Variants in SAFB2 observed in about 807,000 individuals in gnomAD.
SAFB2 encodes scaffold attachment factor B2.
Under a neutral mutation model 100.6 loss-of-function variants are expected in SAFB2, and 32 were observed. The observed-to-expected ratio is 0.32, with a 90% CI of 0.24 to 0.43. The LOEUF (loss-of-function observed/expected upper bound fraction) is 0.43. SAFB2 is among the 20% of genes least tolerant of loss of function. The pLI, the probability that SAFB2 is intolerant of heterozygous loss-of-function variation, is 1.00. For synonymous variants in SAFB2, 500 were observed against 439.4 expected, an observed-to-expected ratio of 1.14 and a Z score of -1.72; for missense variants, 1,185 against 1,163.4, an observed-to-expected ratio of 1.02 and a Z score of -0.27.
intron 12 of SAFB2, among the ~76,000 whole-genome samples, chr19:5,599,225 C>A (rs1174912120): frequency 6.6e-6 from 1 of 152,166 alleles, no homozygotes; most frequent in Non-Finnish European, 1.5e-5. Context: ...TATGCTGTCA[C>A]TCCTCCCTGA....
intron 11 of SAFB2, among the ~76,000 whole-genome samples, chr19:5,603,471 C>G (rs369933269): frequency 6.6e-6 from 1 of 152,182 alleles, no homozygotes; most frequent in South Asian, 2.1e-4. Flanking sequence ...GGAAATCTAC[C>G]TTCTCAAAAG....
chr19:5,592,987 C>T (rs2052446931), intron 15 of SAFB2, 100 bp from the exon 16 acceptor site: 1 of 1,084,064 alleles, frequency 9.2e-7, no homozygotes, highest in African/African-American at 1.6e-5. Flanking sequence ...TCTCCCCAGA[C>T]CCAGTATCGT....
In SAFB2 at chr19:5,622,613, C is replaced by T; in HGVS notation, c.103G>A (p.Val35Met). ...TGTRRLSELR[V>M]IDLRAELKKR... ...TTCAGCTCCGCCCGCAGATCGATCACCCGCAGCTCGCTGAGCCGCCTCGTC... is the reference window on the plus strand; with the variant it reads ...TTCAGCTCCGCCCGCAGATCGATCATCCGCAGCTCGCTGAGCCGCCTCGTC... Residue 35 changes from valine to methionine, a missense_variant, in exon 1 of 21, where the codon GTG (valine) becomes ATG (methionine). This residue lies in a region of SAFB2 where 351 missense variants were observed against 341.2 expected (regional missense o/e 1.03). Coordinates refer to ENST00000252542, the MANE Select transcript of SAFB2 (RefSeq NM_014649.3). 1 of 1,613,024 alleles carries T rather than the reference C, an allele frequency of 6.2e-7. No individual in the cohort carries two copies. Among genetic ancestry groups the T allele is most frequent in the Non-Finnish European group, 8.5e-7 (1 of 1,179,732 alleles).
At position 5,593,875 on chromosome 19, in the gene SAFB2, T is replaced by C; in HGVS notation, c.2207+16A>G. On this transcript the variant is annotated intron_variant, in intron 15 of 20. Transcript: ENST00000252542. The stretch of plus-strand genomic sequence containing the variant: ...ACGCTGGTCTCCGTCCTGCCCACGC[T>C]CTGGGCGGGACTCACCGGTCCAGGT... The C allele has an allele frequency of 6.9e-7, 1 of 1,452,938 alleles. No homozygotes were observed. The highest frequency in any genetic ancestry group is 2.6e-5 in the East Asian group (1 of 38,426). The allele number at this position is 1,452,938 out of a possible 1,614,324, so 90.0% of individuals were successfully genotyped here.
chr19:5,622,681 C>A lies in SAFB2; in HGVS notation c.35G>T (p.Gly12Val). 1 of 1,606,258 alleles carries A rather than the reference C, an allele frequency of 6.2e-7. No homozygotes were observed. The highest frequency in any genetic ancestry group is 1.1e-5 in the South Asian group (1 of 90,706). ...AETLPGSGDS[G>V]PGTASLGPGV... ...CGGGCCGAGAGAAGCCGTGCCAGGG[C>A]CCGAGTCGCCCGACCCGGGCAGAGT... Residue 12 changes from glycine (G) to valine (V), a missense_variant, in exon 1 of 21, where the codon GGC (glycine) becomes GTC (valine). Coordinates refer to ENST00000252542, the MANE Select transcript of SAFB2 (RefSeq NM_014649.3).
chr19:5,616,764 G>A lies in SAFB2; in HGVS notation c.275-278C>T, dbSNP rs530192253. On this transcript the variant is annotated intron_variant, in intron 2 of 20. Coordinates refer to ENST00000252542, the MANE Select transcript of SAFB2 (RefSeq NM_014649.3). ...CCTCCTGGGTTCAAGCGATTCTCCT[G>A]CCTCAGCCTCCTCAGCAGCTGGGAC... Among the ~76,000 whole-genome samples, 59 of 143,204 alleles carry A rather than the reference G, an allele frequency of 4.1e-4. 1 individual carries two copies. Among genetic ancestry groups the A allele is most frequent in the African/African-American group, 1.5e-3 (59 of 38,402 alleles). The allele number at this position is 143,204 out of a possible 152,430, so 93.9% of individuals were successfully genotyped here. A position where few individuals can be genotyped will look rare whatever the true frequency, so the allele number is the denominator to read the frequency against.
chr19:5,616,717 T>C (rs544784799), intron 2 of SAFB2, among the ~76,000 whole-genome samples: 1 of 138,116 alleles, frequency 7.2e-6, no homozygotes, highest in African/African-American at 2.7e-5. Context: ...AGCGGCACAA[T>C]CTCGGCTCAC....
At chr19:5,607,027 C>T (rs186334169) in intron 9 of SAFB2, among the ~76,000 whole-genome samples, 12 of 152,220 alleles carry the variant, frequency 7.9e-5, no homozygotes, top group Admixed American at 4.6e-4. Context: ...TTTGGGAGGC[C>T]GAGGTGGGAG....
intron 2 of SAFB2, 146 bp downstream of exon 2, chr19:5,621,163 G>C (rs2053132677): frequency 1.5e-6 from 1 of 664,948 alleles, no homozygotes. Context: ...CTACCTGTTA[G>C]GTGGTGACGA....
At chr19:5,604,749 C>G in intron 10 of SAFB2, 38 bp downstream of exon 10, 6 of 1,613,826 alleles carry the variant, frequency 3.7e-6, no homozygotes, top group Non-Finnish European at 5.1e-6. Flanking sequence ...CACTTGCAAA[C>G]TCCATTTGCG....
chr19:5,595,049 A>G (rs2052506916), intron 14 of SAFB2, among the ~76,000 whole-genome samples: 1 of 152,270 alleles, frequency 6.6e-6, no homozygotes, highest in African/African-American at 2.4e-5. Context: ...GGGTCTCGCT[A>G]CATTGCCTAG....
chr19:5,595,577 A>C, intron 13 of SAFB2, 80 bp from the exon 14 acceptor site: 1 of 1,530,606 alleles, frequency 6.5e-7, no homozygotes, highest in Non-Finnish European at 8.8e-7. Flanking sequence ...CGTGTGCATG[A>C]GACTAAGATT....
chr19:5,612,655 G>A (rs2052933427), intron 5 of SAFB2, 88 bp from the exon 6 acceptor site: 1 of 985,126 alleles, frequency 1.0e-6, no homozygotes. Context: ...TCAATCATCT[G>A]TGAATAAATG....
At chr19:5,595,270 A>G in intron 14 of SAFB2, 91 bp downstream of exon 14, 1 of 1,506,778 alleles carries the variant, frequency 6.6e-7, no homozygotes, top group African/African-American at 1.4e-5. Context: ...GCTCTCGGGC[A>G]CACAGACTGC....
chr19:5,605,084 T>A, intron 9 of SAFB2, 148 bp from the exon 10 acceptor site: 1 of 921,516 alleles, frequency 1.1e-6, no homozygotes, highest in Non-Finnish European at 1.6e-6. Context: ...TGGTTCTAAT[T>A]AATCCTGACC....
chr19:5,604,966 C>A, intron 9 of SAFB2, 30 bp from the exon 10 acceptor site: 1 of 1,604,012 alleles, frequency 6.2e-7, no homozygotes, highest in South Asian at 1.1e-5. Flanking sequence ...CTTACTCTCT[C>A]ATACAAATGA....
At chr19:5,602,916 C>A (rs942229874) in intron 11 of SAFB2, among the ~76,000 whole-genome samples, 5 of 146,364 alleles carry the variant, frequency 3.4e-5, no homozygotes, top group South Asian at 2.4e-4. Context: ...CCGCCCCCCC[C>A]ACCCCCCTCC....
chr19:5,605,736 C>G (rs967853678), intron 9 of SAFB2, among the ~76,000 whole-genome samples: 1 of 152,178 alleles, frequency 6.6e-6, no homozygotes, highest in African/African-American at 2.4e-5. Flanking sequence ...TGTGATGAAA[C>G]GTAGGCAACG....
At chr19:5,608,087 C>G (rs2052815947) in intron 9 of SAFB2, among the ~76,000 whole-genome samples, 1 of 152,224 alleles carries the variant, frequency 6.6e-6, no homozygotes. Flanking sequence ...GGAGGCTCTG[C>G]ATACTTCAGT....
Sources: gnomAD v4.1 joint callset for allele counts (sites outside exome capture counted in the v4.1 genomes callset) on GRCh38, gnomAD v4.1.1 for gene constraint, gnomAD v4.1.1 regional missense constraint, MANE v1.5 for transcripts, NCBI Gene and HGNC (gene_info 2026-07-23, HGNC 2026-07-21) for gene names.